ETFA: variants seen among roughly 807,000 people sequenced by gnomAD.
ETFA encodes electron transfer flavoprotein subunit alpha.
Under a neutral mutation model 46.2 loss-of-function variants are expected in ETFA, and 22 were observed. The observed-to-expected ratio is 0.48, with a 90% CI of 0.34 to 0.68. The LOEUF is 0.68. ETFA is among the 30% of genes least tolerant of loss of function. The pLI, the probability that ETFA is intolerant of heterozygous loss-of-function variation, is 0.01. For missense variants in ETFA, 345 were observed against 401.1 expected, an observed-to-expected ratio of 0.86 and a Z score of 1.19; for synonymous variants, 131 against 139.9, an observed-to-expected ratio of 0.94 and a Z score of 0.45.
At chr15:76,285,220 T>C (rs867823963) in intron 7 of ETFA, among the ~76,000 whole-genome samples, 4 of 152,296 alleles carry the variant, frequency 2.6e-5, no homozygotes, top group Middle Eastern at 6.8e-3. Context: ...TTTAAAGAGT[T>C]ATACACAAAG....
At chr15:76,299,074 C>T (rs924012610) in intron 1 of ETFA, among the ~76,000 whole-genome samples, 2 of 152,144 alleles carry the variant, frequency 1.3e-5, no homozygotes, top group Non-Finnish European at 2.9e-5. Context: ...TATTGAAATA[C>T]TTAACGAGGT....
At chr15:76,307,551 A>T (rs2469211) in intron 1 of ETFA, among the ~76,000 whole-genome samples, 20,365 of 150,924 alleles carry the variant, frequency 0.13, 1,611 homozygotes, top group African/African-American at 0.23. Context: ...CAGTGGTGCT[A>T]CCTGGGCTCA....
At chr15:76,224,703 A>AG (rs2038987605) in intron 11 of ETFA, among the ~76,000 whole-genome samples, 1 of 152,180 alleles carries the variant, frequency 6.6e-6, no homozygotes, top group African/African-American at 2.4e-5. Context: ...GTGGTTCTAC[A>AG]TGAGGGGTTC....
intron 1 of ETFA, among the ~76,000 whole-genome samples, chr15:76,298,444 A>G (rs1303493314): frequency 6.6e-6 from 1 of 152,196 alleles, no homozygotes; most frequent in Non-Finnish European, 1.5e-5. Flanking sequence ...TACAGCTGCT[A>G]GAATGCCCCC....
chr15:76,273,487 G>A (rs1164695366), intron 9 of ETFA, among the ~76,000 whole-genome samples: 1 of 151,886 alleles, frequency 6.6e-6, no homozygotes, highest in Non-Finnish European at 1.5e-5. Context: ...CCCAGGAGGT[G>A]GAGGTTGCAG....
rs2038896612 is a variant in ETFA, at chr15:76,216,445, A to G, written c.*114T>C. ...GGCATCTGTTAGAAATTTTCCCTCA[A>G]ATTATGAAATGTAGCTCTCCATGCT... On this transcript the variant is annotated 3_prime_UTR_variant, in exon 12 of 12. Transcript: ENST00000557943. 1 of 685,572 alleles carries G rather than the reference A, an allele frequency of 1.5e-6. No individual in the cohort carries two copies. The highest frequency in any genetic ancestry group is 1.7e-5 in the South Asian group (1 of 58,512). The allele number at this position is 685,572 out of a possible 1,614,324, so 42.5% of individuals were successfully genotyped here.
At chr15:76,296,278 C>T (rs955227435) in intron 1 of ETFA, among the ~76,000 whole-genome samples, 4 of 152,044 alleles carry the variant, frequency 2.6e-5, no homozygotes, top group Admixed American at 6.6e-5. Context: ...AAAATTAGAA[C>T]GCAAATTAGC....
At chr15:76,237,102 G>C (rs1328486760) in intron 9 of ETFA, among the ~76,000 whole-genome samples, 2 of 152,210 alleles carry the variant, frequency 1.3e-5, no homozygotes, top group African/African-American at 2.4e-5. Flanking sequence ...GCCCAGGCTG[G>C]AGTGCAGTGG....
intron 8 of ETFA, among the ~76,000 whole-genome samples, chr15:76,281,549 C>A (rs765246961): frequency 1.3e-5 from 2 of 151,998 alleles, no homozygotes; most frequent in African/African-American, 4.8e-5. Context: ...CCTTAGCCTC[C>A]CAAGTAGCTG....
intron 9 of ETFA, among the ~76,000 whole-genome samples, chr15:76,233,325 C>CTTTTTTTTTTT (rs66595585): frequency 8.3e-5 from 7 of 84,472 alleles, no homozygotes; most frequent in East Asian, 3.5e-4. Flanking sequence ...ATTCAATAGG[C>CTTTTTTTTTTT]TTTTTTTTTT....
chr15:76,224,909 CTAAT>C (rs2038989637), intron 11 of ETFA, among the ~76,000 whole-genome samples: 1 of 152,116 alleles, frequency 6.6e-6, no homozygotes, highest in Admixed American at 6.5e-5. Context: ...CTGTAATTCA[CTAAT>C]TAATATCATG....
chr15:76,270,268 G>A (rs775465703), intron 9 of ETFA, among the ~76,000 whole-genome samples: 4 of 152,302 alleles, frequency 2.6e-5, no homozygotes, highest in Non-Finnish European at 5.9e-5. Flanking sequence ...GGGCATCTGT[G>A]CAGGGTAGAG....
chr15:76,249,644 T>C (rs907437686), intron 9 of ETFA, among the ~76,000 whole-genome samples: 7 of 151,694 alleles, frequency 4.6e-5, no homozygotes, highest in African/African-American at 1.7e-4. Flanking sequence ...GGTTTCACTG[T>C]GTTAGCCAAG....
At chr15:76,262,469 A>AC (rs71444973) in intron 9 of ETFA, among the ~76,000 whole-genome samples, 18 of 116,138 alleles carry the variant, frequency 1.5e-4, no homozygotes, top group African/African-American at 5.2e-4. Flanking sequence ...CCATAATCAA[A>AC]CCCCCTTTTT....
chr15:76,224,306 C>T (rs1441539825), intron 11 of ETFA, among the ~76,000 whole-genome samples: 1 of 152,174 alleles, frequency 6.6e-6, no homozygotes, highest in Non-Finnish European at 1.5e-5. Flanking sequence ...AGCTGACCTA[C>T]CTGAATCCCA....
chr15:76,217,934 T>C (rs938377170), intron 11 of ETFA, among the ~76,000 whole-genome samples: 1 of 152,236 alleles, frequency 6.6e-6, no homozygotes, highest in Non-Finnish European at 1.5e-5. Context: ...CTCCAGCCTA[T>C]TAAAAGGCCC....
intron 9 of ETFA, among the ~76,000 whole-genome samples, chr15:76,248,298 T>C (rs2039262829): frequency 6.6e-6 from 1 of 152,120 alleles, no homozygotes. Flanking sequence ...AGAGAGGGAA[T>C]GTGTAATAAA....
chr15:76,271,738 A>C (rs563287577), intron 9 of ETFA, among the ~76,000 whole-genome samples: 1 of 152,352 alleles, frequency 6.6e-6, no homozygotes, highest in Admixed American at 6.5e-5. Flanking sequence ...GGATGATCAC[A>C]GCAACTTACT....
intron 4 of ETFA, among the ~76,000 whole-genome samples, chr15:76,291,220 A>G (rs1232594487): frequency 6.6e-6 from 1 of 152,144 alleles, no homozygotes; most frequent in Non-Finnish European, 1.5e-5. Context: ...AAGCAGGCAG[A>G]TCACCTGAGG....
Sources: allele counts gnomAD v4.1 joint callset (sites outside exome capture counted in the v4.1 genomes callset), GRCh38; gene constraint gnomAD v4.1.1; transcripts MANE v1.5; gene names NCBI Gene and HGNC (gene_info 2026-07-23, HGNC 2026-07-21).